Variants in CSMD3 observed in about 807,000 individuals in gnomAD.
CSMD3 encodes CUB and sushi domain-containing protein 3.
In CSMD3, 177 loss-of-function variants were observed where a neutral mutation model predicts 435.2. That is an observed-to-expected ratio of 0.41 (90% CI 0.36 to 0.46). CSMD3 has a LOEUF of 0.46. CSMD3 is among the 20% of genes least tolerant of loss of function. The pLI is 0.34. For missense variants in CSMD3, 4,265 were observed against 4,504.6 expected (o/e 0.95, Z 1.52); for synonymous variants, 1,656 against 1,520.5 (o/e 1.09, Z -2.07).
At chr8:113,021,510 AATGC>A (rs1296224435) in intron 5 of CSMD3, among the ~76,000 whole-genome samples, 1 of 152,216 alleles carries the variant, frequency 6.6e-6, no homozygotes, top group East Asian at 1.9e-4. Flanking sequence ...ATGAGACTAC[AATGC>A]ATGGAGGTGT....
At chr8:112,935,878 A>G (rs2083265928) in intron 9 of CSMD3, among the ~76,000 whole-genome samples, 2 of 151,998 alleles carry the variant, frequency 1.3e-5, no homozygotes, top group Non-Finnish European at 2.9e-5. Flanking sequence ...AGTAGAAGAG[A>G]GATGGTTTAG....
intron 10 of CSMD3, among the ~76,000 whole-genome samples, chr8:112,871,188 T>C (rs2081125964): frequency 6.6e-6 from 1 of 152,202 alleles, no homozygotes; most frequent in South Asian, 2.1e-4. Context: ...GGCAGATGTA[T>C]ACTCTTTGAA....
chr8:112,947,473 T>C (rs536622175), intron 9 of CSMD3, among the ~76,000 whole-genome samples: 4 of 151,600 alleles, frequency 2.6e-5, no homozygotes, highest in African/African-American at 4.8e-5. Flanking sequence ...TAGAGCAACT[T>C]ACCCAAGATC....
chr8:112,808,548 T>C (rs2008755), intron 12 of CSMD3, among the ~76,000 whole-genome samples: 149,351 of 152,174 alleles, frequency 0.98, 73,306 homozygotes, highest in Middle Eastern at 1. Context: ...ATCCACAGTT[T>C]CCAGGAATTT....
chr8:112,531,001 G>A (rs1198123801), intron 27 of CSMD3, among the ~76,000 whole-genome samples: 1 of 152,148 alleles, frequency 6.6e-6, no homozygotes, highest in East Asian at 1.9e-4. Context: ...GGCTTATGAT[G>A]CAACCCAGTG....
At chr8:112,373,002 A>AT (rs1312355985) in intron 38 of CSMD3, among the ~76,000 whole-genome samples, 7 of 56,160 alleles carry the variant, frequency 1.2e-4, no homozygotes, top group East Asian at 7.2e-4. Context: ...TTTTATATAT[A>AT]AAAATATATA....
At chr8:113,251,308 A>G (rs1386286143) in intron 3 of CSMD3, among the ~76,000 whole-genome samples, 1 of 152,116 alleles carries the variant, frequency 6.6e-6, no homozygotes, top group African/African-American at 2.4e-5. Flanking sequence ...TAAATTTAAG[A>G]GTGGATTCAA....
intron 3 of CSMD3, among the ~76,000 whole-genome samples, chr8:113,270,985 T>TAAAA (rs3048870): frequency 1.6e-4 from 23 of 148,264 alleles, no homozygotes; most frequent in African/African-American, 3.5e-4. Flanking sequence ...TCAAAAAGCA[T>TAAAA]AAAAAAAAAA....
At chr8:112,300,081 T>C (rs1411832113) in intron 53 of CSMD3, among the ~76,000 whole-genome samples, 1 of 148,624 alleles carries the variant, frequency 6.7e-6, no homozygotes, top group Non-Finnish European at 1.5e-5. Context: ...TAAAATTTAG[T>C]TTTATTTTAA....
rs1446397686 is a variant in CSMD3 at position 112,508,851 on chromosome 8, C to T, written c.4757-2022G>A. ...TGAAGGGGACATCTACTCTCACTGTCTCTTTCTGCACCCCTGTGCTGTATG... is the reference window on the plus strand; with the variant it reads ...TGAAGGGGACATCTACTCTCACTGTTTCTTTCTGCACCCCTGTGCTGTATG... On this transcript the variant is annotated intron_variant, in intron 28 of 70. Transcript: ENST00000297405. Among the ~76,000 whole-genome samples, 4 of 152,170 alleles carry T rather than the reference C, an allele frequency of 2.6e-5. No homozygotes were observed. In the East Asian group the frequency reaches 7.8e-4, roughly 30 times the overall value.
rs771763832 is a variant in CSMD3, at chr8:112,319,967, C to T, written c.7180G>A (p.Val2394Met). ...GGCACAGGTGGTGGAGGTTGGCACACCCTTAGTTGATAGGCTACAAAAATA... is the reference window on the plus strand; with the variant it reads ...GGCACAGGTGGTGGAGGTTGGCACATCCTTAGTTGATAGGCTACAAAAATA... The part of the protein sequence containing the change: ...VLSYHAYQLR[V>M]CQPPPPVPNA... The change falls in exon 46 of 71, where the codon GTG (valine) becomes ATG (methionine). Residue 2394 changes from valine to methionine, a missense_variant. Around this residue, in one of 3 missense-constraint regions of CSMD3, gnomAD observed 3,255 missense variants for 3,380.2 expected, o/e 0.96. Transcript: ENST00000297405. The T allele has an allele frequency of 1.9e-6, 3 of 1,611,514 alleles. No individual in the cohort carries two copies. Among genetic ancestry groups the T allele is most frequent in the South Asian group, 1.1e-5 (1 of 91,032 alleles).
chr8:112,843,091 A>G (rs1204271773), intron 11 of CSMD3, among the ~76,000 whole-genome samples: 2 of 151,860 alleles, frequency 1.3e-5, no homozygotes, highest in Admixed American at 1.3e-4. Context: ...AATTCTATCC[A>G]AAAAGAGAGA....
intron 3 of CSMD3, among the ~76,000 whole-genome samples, chr8:113,240,178 G>C (rs1030915111): frequency 6.6e-6 from 1 of 152,072 alleles, no homozygotes; most frequent in Non-Finnish European, 1.5e-5. Context: ...CCTTTCAAAG[G>C]ACATGCTCTC....
chr8:112,293,155 C>T (rs772372397), intron 54 of CSMD3, among the ~76,000 whole-genome samples: 8 of 151,618 alleles, frequency 5.3e-5, no homozygotes, highest in Non-Finnish European at 1.0e-4. Context: ...CTTTGGGAGG[C>T]CGGGGTGGGA....
At chr8:112,935,530 C>T (rs1324688837) in intron 9 of CSMD3, among the ~76,000 whole-genome samples, 1 of 151,844 alleles carries the variant, frequency 6.6e-6, no homozygotes, top group Non-Finnish European at 1.5e-5. Flanking sequence ...CATGGGATAT[C>T]TTTCTATTTA....
intron 5 of CSMD3, among the ~76,000 whole-genome samples, chr8:113,028,238 T>TGGAGATGGGGAGTTA (rs1362243058): frequency 2.9e-4 from 44 of 152,104 alleles, no homozygotes; most frequent in Admixed American, 3.9e-4. Context: ...CTTTTGGGTG[T>TGGAGATGGGGAGTTA]CACAAACTGT....
At chr8:112,567,917 C>CT (rs1829187500) in intron 24 of CSMD3, among the ~76,000 whole-genome samples, 1 of 152,140 alleles carries the variant, frequency 6.6e-6, no homozygotes, top group Non-Finnish European at 1.5e-5. Flanking sequence ...TAACAAGTAA[C>CT]TTGTGTCGCG....
chr8:112,984,688 T>G (rs1564178726), intron 6 of CSMD3, among the ~76,000 whole-genome samples: 1 of 152,124 alleles, frequency 6.6e-6, no homozygotes, highest in East Asian at 1.9e-4. Flanking sequence ...AGAAATAAAA[T>G]GGGTGAAATA....
At chr8:112,920,232 T>C (rs2082694740) in intron 10 of CSMD3, among the ~76,000 whole-genome samples, 1 of 151,812 alleles carries the variant, frequency 6.6e-6, no homozygotes, top group South Asian at 2.1e-4. Flanking sequence ...GGGGGAAAGA[T>C]TAGTTTTCAT....
Sources: gnomAD v4.1 joint callset for allele counts (sites outside exome capture counted in the v4.1 genomes callset) on GRCh38, gnomAD v4.1.1 for gene constraint, gnomAD v4.1.1 regional missense constraint, MANE v1.5 for transcripts, NCBI Gene and HGNC (gene_info 2026-07-23, HGNC 2026-07-21) for gene names.